ITPRID1: variants seen among roughly 807,000 people sequenced by gnomAD.
The protein encoded by ITPRID1 is protein ITPRID1.
A neutral mutation model predicts 95.4 loss-of-function variants in ITPRID1; 96 were observed. That is an observed-to-expected ratio of 1.01 (90% CI 0.85 to 1.19). The LOEUF (loss-of-function observed/expected upper bound fraction) is 1.19. Ranked by LOEUF, ITPRID1 falls within the 50% of genes most tolerant of loss-of-function variation. The pLI is 0.00. For synonymous variants in ITPRID1, 510 were observed against 453.6 expected, an observed-to-expected ratio of 1.12 and a Z score of -1.58; for missense variants, 1,339 against 1,252.9, an observed-to-expected ratio of 1.07 and a Z score of -1.04.
At chr7:31,586,377 A>G (rs904078228) in intron 10 of ITPRID1, among the ~76,000 whole-genome samples, 4 of 151,380 alleles carry the variant, frequency 2.6e-5, no homozygotes, top group Non-Finnish European at 4.4e-5. Context: ...GCTGGGTCAA[A>G]TGGTATTTGT....
intron 2 of ITPRID1, 52 bp downstream of exon 2, chr7:31,549,551 G>C: frequency 7.4e-7 from 1 of 1,350,350 alleles, no homozygotes; most frequent in South Asian, 1.3e-5. Flanking sequence ...ACTCCATAAA[G>C]TGTTTATTTC....
At chr7:31,619,356 G>C (rs1199722322) in intron 10 of ITPRID1, among the ~76,000 whole-genome samples, 1 of 152,162 alleles carries the variant, frequency 6.6e-6, no homozygotes, top group African/African-American at 2.4e-5. Context: ...GACAAATCCA[G>C]ACTCCAAACT....
At chr7:31,614,379 A>G (rs1787018495) in intron 10 of ITPRID1, among the ~76,000 whole-genome samples, 1 of 152,112 alleles carries the variant, frequency 6.6e-6, no homozygotes, top group Admixed American at 6.5e-5. Context: ...AACTTGTTAA[A>G]AAAACTCTCC....
At chr7:31,544,374 A>C (rs545599604) in intron 1 of ITPRID1, among the ~76,000 whole-genome samples, 1 of 152,180 alleles carries the variant, frequency 6.6e-6, no homozygotes, top group Non-Finnish European at 1.5e-5. Flanking sequence ...ATTTTGTTAA[A>C]CTAATATTAA....
At chr7:31,515,284 TAAAAAA>T in intron 1 of ITPRID1, among the ~76,000 whole-genome samples, 1 of 146,362 alleles carries the variant, frequency 6.8e-6, no homozygotes, top group East Asian at 2.0e-4. Context: ...CAGCAGTGGT[TAAAAAA>T]AAAAAAAGAA....
At chr7:31,514,577 G>T (rs1027039793) in intron 1 of ITPRID1, among the ~76,000 whole-genome samples, 1 of 152,076 alleles carries the variant, frequency 6.6e-6, no homozygotes, top group Non-Finnish European at 1.5e-5. Flanking sequence ...GAGAGAGAGA[G>T]TCCAGCAGGT....
chr7:31,614,501 A>C (rs917072076), intron 10 of ITPRID1, among the ~76,000 whole-genome samples: 33 of 152,162 alleles, frequency 2.2e-4, no homozygotes, highest in African/African-American at 7.5e-4. Flanking sequence ...CAAAAGGCAG[A>C]TATGAGAGAC....
chr7:31,601,125 G>A (rs1786377253), intron 10 of ITPRID1, among the ~76,000 whole-genome samples: 1 of 152,104 alleles, frequency 6.6e-6, no homozygotes, highest in South Asian at 2.1e-4. Context: ...AGTATCAGAA[G>A]AAATCAATTA....
Position 31,653,011 on chromosome 7 carries a change from G to C in ITPRID1, c.*182G>C. The C allele has an allele frequency of 7.2e-7, 1 of 1,397,006 alleles. No homozygotes were observed. Among genetic ancestry groups the C allele is most frequent in the Non-Finnish European group, 9.4e-7 (1 of 1,068,840 alleles). 86.5% of individuals were successfully genotyped at this position (1,397,006 alleles called of 1,614,324 possible). On this transcript the variant is annotated 3_prime_UTR_variant, in exon 15 of 15. Coordinates refer to ENST00000615280, the MANE Select transcript of ITPRID1 (RefSeq NM_001257967.3). ...AATACTCTAATACTCATTCAGTATA[G>C]AATAACTGAGCACCTAGTATGTGCC...
intron 12 of ITPRID1, among the ~76,000 whole-genome samples, chr7:31,644,725 G>A (rs751210818): frequency 8.5e-5 from 13 of 152,146 alleles, no homozygotes; most frequent in Non-Finnish European, 1.6e-4. Flanking sequence ...TTTAAGGTAA[G>A]AAATGATCTA....
intron 1 of ITPRID1, among the ~76,000 whole-genome samples, chr7:31,519,031 T>C (rs1272833617): frequency 6.6e-6 from 1 of 152,144 alleles, no homozygotes; most frequent in East Asian, 1.9e-4. Flanking sequence ...TCCCCAGAGA[T>C]GACAGTAGCC....
intron 1 of ITPRID1, among the ~76,000 whole-genome samples, chr7:31,526,486 C>T (rs2128128761): frequency 6.6e-6 from 1 of 152,272 alleles, no homozygotes; most frequent in South Asian, 2.1e-4. Flanking sequence ...TAATAACTTC[C>T]ACCTAAACTT....
At chr7:31,546,153 G>C (rs755032700) in intron 1 of ITPRID1, among the ~76,000 whole-genome samples, 3 of 151,974 alleles carry the variant, frequency 2.0e-5, no homozygotes, top group Admixed American at 2.0e-4. Flanking sequence ...CATTCCAAAA[G>C]AACTTGAAAC....
At chr7:31,571,276 T>G (rs2128143405) in intron 6 of ITPRID1, among the ~76,000 whole-genome samples, 1 of 152,168 alleles carries the variant, frequency 6.6e-6, no homozygotes, top group South Asian at 2.1e-4. Context: ...TCCACCCACC[T>G]CGGCCTCCCA....
chr7:31,636,719 T>TTC (rs1228393673), intron 10 of ITPRID1, among the ~76,000 whole-genome samples: 113 of 151,254 alleles, frequency 7.5e-4, no homozygotes, highest in African/African-American at 2.7e-3. Flanking sequence ...AGGGATCTTT[T>TTC]TTTTTTAAAA....
chr7:31,647,022 T>G (rs1790525253), intron 12 of ITPRID1, among the ~76,000 whole-genome samples: 1 of 152,228 alleles, frequency 6.6e-6, no homozygotes, highest in Admixed American at 6.5e-5. Flanking sequence ...AGAAAACAAT[T>G]CAAACATACA....
At chr7:31,616,237 T>TTTGA (rs1273125719) in intron 10 of ITPRID1, among the ~76,000 whole-genome samples, 1 of 152,202 alleles carries the variant, frequency 6.6e-6, no homozygotes, top group Admixed American at 6.5e-5. Flanking sequence ...CGTGCCTCTT[T>TTTGA]TTGATTAATT....
intron 10 of ITPRID1, among the ~76,000 whole-genome samples, chr7:31,614,561 A>G (rs1238892054): frequency 1.3e-5 from 2 of 152,204 alleles, no homozygotes; most frequent in African/African-American, 4.8e-5. Context: ...CTCCTGTTGT[A>G]TTTAATACCA....
Position 31,599,648 on chromosome 7 carries a change from T to TC in ITPRID1, c.1228+16457_1228+16458insC, listed in dbSNP as rs1444299837. Among the ~76,000 whole-genome samples, 260 of 29,344 alleles carry TC rather than the reference T, an allele frequency of 8.9e-3. 3 individuals carry two copies. Among genetic ancestry groups the TC allele is most frequent in the African/African-American group, 0.023 (204 of 8,724 alleles). 19.3% of individuals were successfully genotyped at this position (29,344 alleles called of 152,430 possible). On this transcript the variant is annotated intron_variant, in intron 10 of 14. Coordinates refer to ENST00000615280, the MANE Select transcript of ITPRID1 (RefSeq NM_001257967.3). ...TTCTTTCTTTCTTTCTTTCTTTCTT[T>TC]TTCTTTCTTTCCTTTCTCTCTCTCT...
Sources: gnomAD v4.1 joint callset for allele counts (sites outside exome capture counted in the v4.1 genomes callset) on GRCh38, gnomAD v4.1.1 for gene constraint, MANE v1.5 for transcripts, NCBI Gene and HGNC (gene_info 2026-07-23, HGNC 2026-07-21) for gene names.